The following GPAT4 variants were observed in gnomAD, a reference collection of about 807,000 sequenced individuals.
The protein encoded by GPAT4 is glycerol-3-phosphate acyltransferase 4.
A neutral mutation model predicts 58.0 loss-of-function variants in GPAT4; 17 were observed. The ratio of observed to expected loss-of-function variants is 0.29; its 90% CI spans 0.20 to 0.44. The LOEUF is 0.44. GPAT4 is among the 20% of genes least tolerant of loss of function. The probability of loss-of-function intolerance (pLI) is 1.00; values close to 1 mark genes in which losing one functional copy is unlikely to be tolerated. For synonymous variants in GPAT4, 204 were observed against 210.1 expected (o/e 0.97, Z 0.25); for missense variants, 377 against 574.5 (o/e 0.66, Z 3.51).
At chr8:41,593,622 G>C (rs1318244062) in intron 1 of GPAT4, among the ~76,000 whole-genome samples, 2 of 152,090 alleles carry the variant, frequency 1.3e-5, no homozygotes, top group Non-Finnish European at 2.9e-5. Flanking sequence ...CTTTTTTGCT[G>C]TACGAACAGC....
rs1803782684 is a variant in GPAT4, at chr8:41,622,464, T to A, written c.*1463T>A. The A allele has an allele frequency of 6.6e-6, 1 of 152,358 alleles. No homozygotes were observed. The highest frequency in any genetic ancestry group is 2.4e-5 in the African/African-American group (1 of 41,432). The allele number at this position is 152,358 out of a possible 1,614,324, so 9.4% of individuals were successfully genotyped here. ...CTGTGGGTTCTGGGGTTTCACCAGT[T>A]TCATGCTCCTCAGCTCCCCATTCAT... On this transcript the variant is annotated 3_prime_UTR_variant, in exon 13 of 13. Transcript: ENST00000396987.
chr8:41,600,031 C>CTTTTTTTTTTTTTTTTT (rs1563273268), intron 2 of GPAT4, among the ~76,000 whole-genome samples: 2 of 75,404 alleles, frequency 2.7e-5, no homozygotes, highest in African/African-American at 1.1e-4. Flanking sequence ...TTATCTTTTT[C>CTTTTTTTTTTTTTTTTT]TTTTCTTTTT....
At chr8:41,614,856 G>A (rs11995712) in intron 9 of GPAT4, 107 bp from the exon 10 acceptor site, 206,574 of 879,734 alleles carry the variant, frequency 0.23, 25,123 homozygotes, top group East Asian at 0.29. Flanking sequence ...TCTTACTGGA[G>A]GAACCATTAG....
chr8:41,591,464 A>G (rs949832026), intron 1 of GPAT4, among the ~76,000 whole-genome samples: 5 of 152,224 alleles, frequency 3.3e-5, no homozygotes, highest in African/African-American at 1.2e-4. Context: ...AACCTCACTC[A>G]TTAGTGGGAG....
chr8:41,620,862 C>T, intron 12 of GPAT4, 31 bp from the exon 13 acceptor site: 1 of 1,549,740 alleles, frequency 6.5e-7, no homozygotes, highest in South Asian at 1.2e-5. Context: ...GCCCTCTTGG[C>T]TGTTACTACA....
At chr8:41,607,405 G>A (rs1418054093) in intron 2 of GPAT4, among the ~76,000 whole-genome samples, 1 of 152,204 alleles carries the variant, frequency 6.6e-6, no homozygotes, top group Non-Finnish European at 1.5e-5. Context: ...AGAGCCTGCA[G>A]GCGTCTTGAA....
chr8:41,596,501 C>A (rs1802937360), intron 1 of GPAT4, among the ~76,000 whole-genome samples: 1 of 152,226 alleles, frequency 6.6e-6, no homozygotes, highest in Admixed American at 6.5e-5. Flanking sequence ...CCAGTCTTAC[C>A]AAGTTTCAGA....
At chr8:41,610,904 C>A in intron 5 of GPAT4, 94 bp downstream of exon 5, 1 of 1,308,518 alleles carries the variant, frequency 7.6e-7, no homozygotes, top group Non-Finnish European at 1.0e-6. Flanking sequence ...TGGACACAAC[C>A]AAAGCCATGG....
rs752549936 is a variant in GPAT4, at chr8:41,609,880, A to G, written c.461A>G (p.Gln154Arg). 4 of 1,614,242 alleles carry G rather than the reference A, an allele frequency of 2.5e-6. No homozygotes were observed. Among genetic ancestry groups the G allele is most frequent in the Non-Finnish European group, 2.5e-6 (3 of 1,180,048 alleles). ...NLLSRTNYNF[Q>R]YISLRLTVLW... ...CTGAGCAGAACCAATTATAACTTCC[A>G]GTACATCAGCCTTCGGCTCACGGTC... Residue 154 changes from glutamine (Q) to arginine (R), a missense_variant, in exon 4 of 13, where the codon CAG becomes CGG. By Grantham distance (43) the Gln-to-Arg change is conservative. Transcript: ENST00000396987.
At chr8:41,590,148 T>C (rs1802752655) in intron 1 of GPAT4, among the ~76,000 whole-genome samples, 1 of 151,264 alleles carries the variant, frequency 6.6e-6, no homozygotes, top group Admixed American at 6.6e-5. Context: ...TTTTAAAGAG[T>C]CCCATTCTGT....
chr8:41,608,253 G>T (rs1040720048), intron 2 of GPAT4, among the ~76,000 whole-genome samples: 2 of 152,228 alleles, frequency 1.3e-5, no homozygotes, highest in Non-Finnish European at 2.9e-5. Context: ...GGACCACGTG[G>T]TGCAGTCTTG....
At chr8:41,617,262 G>T (rs945364371) in intron 10 of GPAT4, among the ~76,000 whole-genome samples, 1 of 152,118 alleles carries the variant, frequency 6.6e-6, no homozygotes. Flanking sequence ...TACTCGGGAG[G>T]CTGGGGCAGG....
chr8:41,613,145 C>A (rs1236466548), intron 8 of GPAT4, among the ~76,000 whole-genome samples, 185 bp downstream of exon 8: 1 of 152,038 alleles, frequency 6.6e-6, no homozygotes, highest in Non-Finnish European at 1.5e-5. Flanking sequence ...GCCTGTAATC[C>A]CAGCAGTTTG....
chr8:41,621,134 C>G lies in GPAT4; in HGVS notation c.*133C>G. On this transcript the variant is annotated 3_prime_UTR_variant, in exon 13 of 13. Coordinates refer to ENST00000396987, the MANE Select transcript of GPAT4 (RefSeq NM_178819.4). ...CCGGGCTGCTCTGGATCCCAGGACTCCGGCTTTCGCCGAGCCGCAGCGGGA... is the reference window on the plus strand; with the variant it reads ...CCGGGCTGCTCTGGATCCCAGGACTGCGGCTTTCGCCGAGCCGCAGCGGGA... The G allele has an allele frequency of 7.8e-7, 1 of 1,284,688 alleles. No homozygotes were observed. The allele number at this position is 1,284,688 out of a possible 1,614,324, so 79.6% of individuals were successfully genotyped here.
intron 5 of GPAT4, 73 bp from the exon 6 acceptor site, chr8:41,611,830 T>C: frequency 1.4e-6 from 2 of 1,417,602 alleles, no homozygotes; most frequent in Middle Eastern, 1.8e-4. Context: ...ACTGCTGAGC[T>C]GTTGAAGTCA....
At chr8:41,585,207 A>ACCAAAT (rs1257275679) in intron 1 of GPAT4, among the ~76,000 whole-genome samples, 2 of 152,196 alleles carry the variant, frequency 1.3e-5, no homozygotes, top group East Asian at 3.8e-4. Flanking sequence ...TTTACATTAC[A>ACCAAAT]GTTGGGGCAT....
At chr8:41,595,077 C>T (rs7011048) in intron 1 of GPAT4, among the ~76,000 whole-genome samples, 70,631 of 151,388 alleles carry the variant, frequency 0.47, 16,837 homozygotes, top group African/African-American at 0.55. Context: ...TTGTTGAAAA[C>T]CTTGTAAGTT....
chr8:41,585,189 C>T (rs1802620157), intron 1 of GPAT4, among the ~76,000 whole-genome samples: 2 of 152,160 alleles, frequency 1.3e-5, no homozygotes, highest in South Asian at 4.2e-4. Context: ...CCTGTGTGTG[C>T]GTGTTTGTTT....
At chr8:41,590,880 T>G (rs920381044) in intron 1 of GPAT4, among the ~76,000 whole-genome samples, 1 of 151,542 alleles carries the variant, frequency 6.6e-6, no homozygotes, top group Non-Finnish European at 1.5e-5. Context: ...TCATACAGAT[T>G]GATGGACTGG....
Sources: allele counts gnomAD v4.1 joint callset (sites outside exome capture counted in the v4.1 genomes callset), GRCh38; gene constraint gnomAD v4.1.1; transcripts MANE v1.5; gene names NCBI Gene and HGNC (gene_info 2026-07-23, HGNC 2026-07-21).